GPC3: variants seen among roughly 807,000 people sequenced by gnomAD.
The protein encoded by GPC3 is glypican 3.
A neutral mutation model predicts 34.4 loss-of-function variants in GPC3; 3 were observed. The observed-to-expected ratio is 0.09, with a 90% CI of 0.04 to 0.23. The LOEUF (loss-of-function observed/expected upper bound fraction) is 0.23. Among genes scored for constraint, GPC3 ranks in the 10% least tolerant of loss-of-function variants. The pLI, the probability that GPC3 is intolerant of heterozygous loss-of-function variation, is 1.00. For synonymous variants in GPC3, 177 were observed against 174.0 expected (o/e 1.02, Z -0.13); for missense variants, 351 against 445.6 (o/e 0.79, Z 1.91).
At chrX:133,952,933 A>T in intron 2 of GPC3, 117 bp downstream of exon 2, 1 of 683,598 alleles carries the variant, frequency 1.5e-6, no homozygotes, top group Non-Finnish European at 2.3e-6. Context: ...GGAGGTTTTT[A>T]ATAGCAAGCA....
intron 6 of GPC3, among the ~76,000 whole-genome samples, chrX:133,655,292 T>A (rs982653006): frequency 1.8e-5 from 2 of 111,555 alleles, no homozygotes; most frequent in African/African-American, 6.5e-5. Flanking sequence ...GACAGAAGAT[T>A]TTTTAATGAT....
intron 2 of GPC3, among the ~76,000 whole-genome samples, chrX:133,804,148 T>G (rs2075624473): frequency 1.8e-5 from 2 of 111,384 alleles, no homozygotes; most frequent in Admixed American, 9.6e-5. Context: ...ACTTGCTTTG[T>G]TTTGGAAACT....
At chrX:133,708,221 T>C (rs977330002) in intron 3 of GPC3, among the ~76,000 whole-genome samples, 1 of 112,107 alleles carries the variant, frequency 8.9e-6, no homozygotes, top group African/African-American at 3.2e-5. Context: ...CTGCACTGTT[T>C]ACTCAAATCT....
At chrX:133,865,502 CAA>C (rs956001457) in intron 2 of GPC3, among the ~76,000 whole-genome samples, 3 of 111,607 alleles carry the variant, frequency 2.7e-5, no homozygotes, top group African/African-American at 6.5e-5. Context: ...AAAATAATGA[CAA>C]GAGACATTTC....
chrX:133,638,519 G>A (rs992520117), intron 6 of GPC3, among the ~76,000 whole-genome samples: 1 of 111,569 alleles, frequency 9.0e-6, no homozygotes, highest in Non-Finnish European at 1.9e-5. Flanking sequence ...ATAATGTATT[G>A]TGCTCTCCTG....
chrX:133,858,998 G>A (rs888232209), intron 2 of GPC3, among the ~76,000 whole-genome samples: 9 of 107,120 alleles, frequency 8.4e-5, no homozygotes, highest in East Asian at 3.0e-4. Flanking sequence ...GGAGAATGGC[G>A]TGAACCCGGG....
At chrX:133,937,698 G>C in intron 2 of GPC3, among the ~76,000 whole-genome samples, 1 of 111,812 alleles carries the variant, frequency 8.9e-6, no homozygotes, top group South Asian at 3.7e-4. Flanking sequence ...TCAGAACTTA[G>C]TAACTTCTCT....
In GPC3 at chrX:133,739,788, T is replaced by A. The variant is rs752292437; in HGVS notation, c.1032+13694A>T. Among the ~76,000 whole-genome samples, 18 of 111,044 alleles carry A rather than the reference T, an allele frequency of 1.6e-4. No individual in the cohort carries two copies. In the East Asian group the frequency reaches 4.6e-3, roughly 28 times the overall value. The stretch of plus-strand genomic sequence containing the variant: ...TTATGGCATGGGGCAAGGGGTGAGG[T>A]GGGAGGATCACTTGAGCCCAGGTGG... On this transcript the variant is annotated intron_variant, in intron 3 of 7. Coordinates refer to ENST00000370818, the MANE Select transcript of GPC3 (RefSeq NM_004484.4).
intron 2 of GPC3, among the ~76,000 whole-genome samples, chrX:133,855,549 A>ATATATATATATATATATATAT (rs1569445704): frequency 1.6e-4 from 17 of 105,888 alleles, no homozygotes; most frequent in Non-Finnish European, 2.3e-4. Flanking sequence ...ATATATATAT[A>ATATATATATATATATATATAT]GTAAAATGGT....
intron 3 of GPC3, among the ~76,000 whole-genome samples, chrX:133,726,342 C>G (rs1000462253): frequency 9.0e-6 from 1 of 111,492 alleles, no homozygotes; most frequent in African/African-American, 3.3e-5. Context: ...AACTGTAAGA[C>G]AGGGAATCCA....
chrX:133,599,086 G>A (rs1202251264), intron 6 of GPC3, among the ~76,000 whole-genome samples: 1 of 111,990 alleles, frequency 8.9e-6, no homozygotes, highest in African/African-American at 3.2e-5. Flanking sequence ...TGTCTAGCAA[G>A]TATTTAAGTC....
At chrX:133,743,443 C>T (rs2071583253) in intron 3 of GPC3, among the ~76,000 whole-genome samples, 2 of 112,409 alleles carry the variant, frequency 1.8e-5, no homozygotes, top group African/African-American at 6.5e-5. Context: ...AGTTAGAAAA[C>T]ATTTTTCTGC....
intron 2 of GPC3, among the ~76,000 whole-genome samples, chrX:133,896,885 C>T (rs1363713824): frequency 9.3e-6 from 1 of 107,700 alleles, no homozygotes; most frequent in Non-Finnish European, 1.9e-5. Context: ...AACTCCAATA[C>T]TCTCTCTACT....
chrX:133,581,193 G>A (rs980054845), intron 7 of GPC3, among the ~76,000 whole-genome samples: 1 of 112,284 alleles, frequency 8.9e-6, no homozygotes, highest in Admixed American at 9.4e-5. Flanking sequence ...TTCAGAGGGA[G>A]CCCCCGAACC....
chrX:133,803,624 T>G (rs938846647), intron 2 of GPC3, among the ~76,000 whole-genome samples: 1 of 112,118 alleles, frequency 8.9e-6, no homozygotes, highest in African/African-American at 3.2e-5. Flanking sequence ...ATAGGTCTGA[T>G]TCAGGAAGAC....
Position 133,536,127 on chromosome X carries a change from G to A in GPC3, c.1740C>T (p.His580=). 1 of 1,204,085 alleles carries A rather than the reference G, an allele frequency of 8.3e-7. No homozygotes were observed. Among genetic ancestry groups the A allele is most frequent in the Non-Finnish European group, 1.1e-6 (1 of 890,064 alleles). ...ACATGTGCTGGGCACCAGGCAGTCA[G>A]TGCACCAGGAAGAAGAAGCACACCA... ...ISVVCFFFLV[H] is the part of the protein sequence containing the mutation. The change falls in exon 8 of 8, where the codon CAC becomes CAT. Residue 580 remains histidine, a synonymous_variant. Transcript: ENST00000370818.
chrX:133,759,658 A>G, intron 2 of GPC3, among the ~76,000 whole-genome samples: 1 of 112,275 alleles, frequency 8.9e-6, no homozygotes, highest in Admixed American at 9.5e-5. Context: ...TATAAAACTT[A>G]TAGAATGTAA....
intron 7 of GPC3, among the ~76,000 whole-genome samples, chrX:133,589,840 T>C (rs1014212817): frequency 1.8e-5 from 2 of 112,101 alleles, no homozygotes; most frequent in African/African-American, 6.5e-5. Context: ...TGTGCTAGTT[T>C]GCTGTATCTC....
intron 7 of GPC3, among the ~76,000 whole-genome samples, chrX:133,580,779 A>G (rs1603173010): frequency 8.9e-6 from 1 of 112,035 alleles, no homozygotes; most frequent in South Asian, 3.8e-4. Flanking sequence ...ATCCGACCAC[A>G]TTTTGGGAGA....
Sources: allele counts gnomAD v4.1 joint callset (sites outside exome capture counted in the v4.1 genomes callset), GRCh38; gene constraint gnomAD v4.1.1; transcripts MANE v1.5; gene names NCBI Gene and HGNC (gene_info 2026-07-23, HGNC 2026-07-21).